PATJ: variants seen among roughly 807,000 people sequenced by gnomAD.
PATJ encodes the protein inaD-like protein.
In PATJ, 190 loss-of-function variants were observed where a neutral mutation model predicts 224.9. The observed-to-expected ratio is 0.84, with a 90% CI of 0.75 to 0.95. The LOEUF is 0.95. PATJ is among the 40% of genes least tolerant of loss of function. The pLI is 0.00. For synonymous variants in PATJ, 769 were observed against 820.3 expected (o/e 0.94, Z 1.07); for missense variants, 2,121 against 2,270.3 (o/e 0.93, Z 1.34).
chr1:61,881,555 G>A (rs1668103767), intron 21 of PATJ, among the ~76,000 whole-genome samples: 1 of 151,960 alleles, frequency 6.6e-6, no homozygotes, highest in Non-Finnish European at 1.5e-5. Context: ...GGGATTACAG[G>A]TGTGTGCCAC....
At chr1:61,927,536 A>G (rs942031604) in intron 26 of PATJ, among the ~76,000 whole-genome samples, 194 bp from the exon 27 acceptor site, 6 of 152,222 alleles carry the variant, frequency 3.9e-5, no homozygotes, top group African/African-American at 1.4e-4. Context: ...TAGTGTGTTT[A>G]TACCACAGAG....
chr1:61,869,252 G>T (rs929809707), intron 20 of PATJ, among the ~76,000 whole-genome samples: 1 of 149,304 alleles, frequency 6.7e-6, no homozygotes, highest in Non-Finnish European at 1.5e-5. Context: ...GACTACAGGC[G>T]CCCGCCACTA....
chr1:61,924,484 T>C (rs1334447748), intron 26 of PATJ, among the ~76,000 whole-genome samples: 1 of 152,224 alleles, frequency 6.6e-6, no homozygotes, highest in Non-Finnish European at 1.5e-5. Context: ...ATTATGAACT[T>C]TGATTATGTG....
intron 31 of PATJ, among the ~76,000 whole-genome samples, chr1:62,069,137 A>G (rs561274436): frequency 2.6e-5 from 4 of 152,234 alleles, no homozygotes; most frequent in African/African-American, 7.2e-5. Context: ...CTGATATTGG[A>G]TCTAAAAACG....
chr1:61,787,367 G>T (rs1192121415), intron 7 of PATJ, among the ~76,000 whole-genome samples: 1 of 152,168 alleles, frequency 6.6e-6, no homozygotes. Flanking sequence ...TGTCACTGAG[G>T]ATGTTGGTTG....
chr1:61,855,436 T>C (rs1390146134), intron 17 of PATJ, among the ~76,000 whole-genome samples: 1 of 152,214 alleles, frequency 6.6e-6, no homozygotes, highest in East Asian at 1.9e-4. Context: ...GGTCTTGGTC[T>C]GTCACCACAG....
chr1:61,888,801 T>C (rs1007748355), intron 22 of PATJ, among the ~76,000 whole-genome samples: 1 of 152,218 alleles, frequency 6.6e-6, no homozygotes, highest in Non-Finnish European at 1.5e-5. Flanking sequence ...GAAGATATAC[T>C]TTGTTCTTAT....
At chr1:62,141,520 C>A (rs1033064852) in intron 41 of PATJ, among the ~76,000 whole-genome samples, 1 of 151,662 alleles carries the variant, frequency 6.6e-6, no homozygotes, top group African/African-American at 2.4e-5. Context: ...ACTAAAAATA[C>A]AAAAATTAGC....
intron 29 of PATJ, among the ~76,000 whole-genome samples, chr1:62,026,962 AGT>A (rs1648080501): frequency 6.6e-6 from 1 of 152,186 alleles, no homozygotes; most frequent in Admixed American, 6.5e-5. Flanking sequence ...GGAGCAACCG[AGT>A]ATAACATATA....
In PATJ at chr1:62,161,738, C is replaced by T. The variant is rs1274392764; in HGVS notation, c.*684C>T. The T allele has an allele frequency of 6.6e-6, 1 of 152,202 alleles. No individual in the cohort carries two copies. The highest frequency in any genetic ancestry group is 1.5e-5 in the Non-Finnish European group (1 of 68,044). The allele number at this position is 152,202 out of a possible 1,614,324, so 9.4% of individuals were successfully genotyped here. A position where few individuals can be genotyped will look rare whatever the true frequency, so the allele number is the denominator to read the frequency against. On this transcript the variant is annotated 3_prime_UTR_variant, in exon 44 of 44. Transcript: ENST00000642238. The stretch of plus-strand genomic sequence containing the variant: ...CTTCTCTCCCTATCCCCTACTCACA[C>T]CGAGGCTTAACAGCAACCTCAGATC...
chr1:61,991,197 G>GATGATGATGATGATGATA (rs1645041460), intron 28 of PATJ, among the ~76,000 whole-genome samples: 1 of 113,182 alleles, frequency 8.8e-6, no homozygotes, highest in African/African-American at 2.7e-5. Context: ...TGATGATGAT[G>GATGATGATGATGATGATA]ATGATGATGA....
intron 41 of PATJ, among the ~76,000 whole-genome samples, chr1:62,144,766 C>CAAAAA (rs546610971): frequency 2.6e-5 from 3 of 116,534 alleles, no homozygotes; most frequent in Non-Finnish European, 3.4e-5. Flanking sequence ...ATGTTATTTG[C>CAAAAA]AAAAAAAAAA....
At chr1:61,850,057 C>A (rs1162363083) in intron 17 of PATJ, among the ~76,000 whole-genome samples, 1 of 152,162 alleles carries the variant, frequency 6.6e-6, no homozygotes, top group East Asian at 1.9e-4. Flanking sequence ...ACATTCTCTA[C>A]TTCGTGTCTT....
intron 27 of PATJ, among the ~76,000 whole-genome samples, 166 bp from the exon 28 acceptor site, chr1:61,990,002 A>C (rs1422805567): frequency 6.6e-6 from 1 of 152,102 alleles, no homozygotes; most frequent in Non-Finnish European, 1.5e-5. Flanking sequence ...ACACCTGTGA[A>C]TAGCCACTGC....
chr1:61,980,140 C>T (rs1644371554), intron 27 of PATJ, among the ~76,000 whole-genome samples: 1 of 151,942 alleles, frequency 6.6e-6, no homozygotes, highest in Admixed American at 6.6e-5. Context: ...TTGAAAACAG[C>T]TGAGCATAGA....
intron 20 of PATJ, among the ~76,000 whole-genome samples, chr1:61,874,951 T>C (rs998465101): frequency 1.3e-5 from 2 of 152,246 alleles, no homozygotes; most frequent in Admixed American, 1.3e-4. Flanking sequence ...TTGATAGATC[T>C]TTTATTCCTC....
chr1:61,899,347 AT>A (rs1670806193), intron 22 of PATJ, among the ~76,000 whole-genome samples: 1 of 152,238 alleles, frequency 6.6e-6, no homozygotes, highest in African/African-American at 2.4e-5. Context: ...AATATCACTA[AT>A]AAAAGTGTTT....
intron 27 of PATJ, among the ~76,000 whole-genome samples, chr1:61,928,535 T>G (rs994905329): frequency 1.3e-5 from 2 of 152,122 alleles, no homozygotes; most frequent in African/African-American, 4.8e-5. Flanking sequence ...ATGTTTTCCC[T>G]TCTACAATAT....
At chr1:61,840,721 T>G (rs747790502) in intron 17 of PATJ, among the ~76,000 whole-genome samples, 3 of 152,054 alleles carry the variant, frequency 2.0e-5, no homozygotes, top group Non-Finnish European at 2.9e-5. Flanking sequence ...GATATTTTTG[T>G]GATACTCTTT....
Sources: allele counts gnomAD v4.1 joint callset (sites outside exome capture counted in the v4.1 genomes callset), GRCh38; gene constraint gnomAD v4.1.1; transcripts MANE v1.5; gene names NCBI Gene and HGNC (gene_info 2026-07-23, HGNC 2026-07-21).